The following MSH3 variants were observed in gnomAD, a reference collection of about 807,000 sequenced individuals.
MSH3 encodes mutS homolog 3, also known as DNA mismatch repair protein Msh3.
In MSH3, 106 loss-of-function variants were observed where a neutral mutation model predicts 123.3. The ratio of observed to expected loss-of-function variants is 0.86; its 90% CI spans 0.73 to 1.01. The LOEUF is 1.01. Ranked by LOEUF, MSH3 falls within the 50% of genes least tolerant of loss-of-function variation. MSH3 has a pLI of 0.00. For synonymous variants in MSH3, 515 were observed against 481.4 expected, an observed-to-expected ratio of 1.07 and a Z score of -0.91; for missense variants, 1,459 against 1,347.6, an observed-to-expected ratio of 1.08 and a Z score of -1.29.
At chr5:80,864,400 G>C (rs1051195572) in intron 21 of MSH3, among the ~76,000 whole-genome samples, 3 of 152,148 alleles carry the variant, frequency 2.0e-5, no homozygotes, top group East Asian at 3.8e-4. Context: ...AAAAAGGAAA[G>C]AGACAAAAAG....
In MSH3 at chr5:80,760,302, G is replaced by A. The variant is rs979485673; in HGVS notation, c.1764-1244G>A. 6.6e-5 allele frequency among the ~76,000 whole-genome samples: 10 copies of A among 152,170 alleles called. No homozygotes were observed. In the South Asian group the frequency reaches 8.3e-4, roughly 13 times the overall value. On this transcript the variant is annotated intron_variant, in intron 12 of 23. Coordinates refer to ENST00000265081, the MANE Select transcript of MSH3 (RefSeq NM_002439.5). ...ACTTATCTTAGTTTTTAATACTACA[G>A]ATGGTCATTATACCTAGTGTGGGCC... is the stretch of plus-strand genomic sequence containing the variant.
chr5:80,865,910 T>G (rs895351285), intron 22 of MSH3, among the ~76,000 whole-genome samples: 1 of 152,220 alleles, frequency 6.6e-6, no homozygotes, highest in African/African-American at 2.4e-5. Flanking sequence ...CATGCAATCT[T>G]GAAAAACACA....
At chr5:80,736,860 C>G (rs887230732) in intron 10 of MSH3, among the ~76,000 whole-genome samples, 2 of 152,162 alleles carry the variant, frequency 1.3e-5, no homozygotes, top group African/African-American at 2.4e-5. Flanking sequence ...GCCCGGTTCC[C>G]CCTGGACTTT....
chr5:80,746,531 G>A, intron 12 of MSH3: 1 of 461,858 alleles, frequency 2.2e-6, no homozygotes, highest in South Asian at 1.6e-5. Context: ...AGTACAAAAA[G>A]TATTCCTTGA....
intron 21 of MSH3, 137 bp from the exon 22 acceptor site, chr5:80,864,676 T>C (rs1183370909): frequency 2.8e-6 from 2 of 705,918 alleles, no homozygotes; most frequent in African/African-American, 3.6e-5. Flanking sequence ...AGGTAAACAG[T>C]ATATAATAAT....
rs868191158 is a variant in MSH3 at position 80,819,957 on chromosome 5, G to A, written c.2813+6216G>A. ...CCTGTCTTTAAGGAGCTCAAGTGCA[G>A]TAAGGGAGATGGAGAAGCAAATCTT... On this transcript the variant is annotated intron_variant, in intron 20 of 23. Transcript: ENST00000265081. 2.0e-5 allele frequency among the ~76,000 whole-genome samples: 3 copies of A among 152,342 alleles called. No individual in the cohort carries two copies. The South Asian group carries it at 6.2e-4, about 32-fold the overall frequency.
At chr5:80,874,129 C>G (rs897104993) in intron 23 of MSH3, among the ~76,000 whole-genome samples, 2 of 152,046 alleles carry the variant, frequency 1.3e-5, no homozygotes, top group Non-Finnish European at 2.9e-5. Flanking sequence ...CTGTGTTATA[C>G]TCCAATAATA....
chr5:80,841,195 G>T (rs1451485044), intron 20 of MSH3, among the ~76,000 whole-genome samples: 1 of 152,004 alleles, frequency 6.6e-6, no homozygotes, highest in African/African-American at 2.4e-5. Flanking sequence ...GAGAATGATG[G>T]TTTCCAGCTT....
In MSH3 at chr5:80,859,205, C is replaced by A. The variant is rs532289209; in HGVS notation, c.3000+4889C>A. Among the ~76,000 whole-genome samples the A allele has an allele frequency of 2.6e-5, 4 of 152,280 alleles. No homozygotes were observed. In the East Asian group the frequency reaches 7.7e-4, roughly 29 times the overall value. The stretch of plus-strand genomic sequence containing the variant: ...GTACAATCTCAGCTCACTGCAACCT[C>A]TGCCTCCCAGATTCAAGTGATTCTT... On this transcript the variant is annotated intron_variant, in intron 21 of 23. Transcript: ENST00000265081.
At chr5:80,746,860 G>C (rs1743730397) in intron 12 of MSH3, 1 of 220,946 alleles carries the variant, frequency 4.5e-6, no homozygotes, top group Non-Finnish European at 9.5e-6. Context: ...AGGCTCATGA[G>C]AGCAGGGCGA....
rs112453017 is a variant in MSH3 at position 80,791,602 on chromosome 5, T to C, written c.2544-1131T>C. On this transcript the variant is annotated intron_variant, in intron 18 of 23. Transcript: ENST00000265081. The stretch of plus-strand genomic sequence containing the variant: ...ATTCTTATTAAAATTTGTCATGAGG[T>C]TGATTTTTTTTACTATCCCCTTATT... Among the ~76,000 whole-genome samples the C allele has an allele frequency of 3.5e-3, 534 of 151,966 alleles. 2 individuals carry two copies. Among genetic ancestry groups the C allele is most frequent in the African/African-American group, 0.012 (511 of 41,264 alleles).
intron 19 of MSH3, among the ~76,000 whole-genome samples, chr5:80,805,281 G>A (rs1170564474): frequency 1.3e-5 from 2 of 152,152 alleles, no homozygotes; most frequent in Non-Finnish European, 2.9e-5. Context: ...CTGGTATGTG[G>A]GTTGGGAAAC....
intron 17 of MSH3, among the ~76,000 whole-genome samples, chr5:80,784,376 A>G (rs1297913445): frequency 6.6e-6 from 1 of 152,098 alleles, no homozygotes; most frequent in Non-Finnish European, 1.5e-5. Context: ...AACATGTGGC[A>G]TCTTCAAAAC....
chr5:80,655,617 A>C (rs993491538), intron 1 of MSH3: 3 of 182,646 alleles, frequency 1.6e-5, no homozygotes, highest in Admixed American at 6.3e-5. Context: ...ATACTGCCAC[A>C]GGAAAAGCCC....
intron 12 of MSH3, chr5:80,746,701 C>T (rs1194326098): frequency 2.8e-6 from 1 of 355,578 alleles, no homozygotes; most frequent in Non-Finnish European, 5.7e-6. Flanking sequence ...GGAGCTGGGT[C>T]GTTATCTCCA....
At chr5:80,843,116 G>T (rs1745656487) in intron 20 of MSH3, among the ~76,000 whole-genome samples, 1 of 151,932 alleles carries the variant, frequency 6.6e-6, no homozygotes, top group African/African-American at 2.4e-5. Flanking sequence ...AGCTTGAGGG[G>T]CTATTGAATT....
chr5:80,865,011 C>T, intron 22 of MSH3, 69 bp downstream of exon 22: 2 of 1,403,948 alleles, frequency 1.4e-6, no homozygotes, highest in Non-Finnish European at 2.0e-6. Context: ...TTTGTTGGAA[C>T]ATGAACTTAC....
chr5:80,680,574 T>G (rs940217763), intron 8 of MSH3, among the ~76,000 whole-genome samples: 2 of 117,760 alleles, frequency 1.7e-5, no homozygotes, highest in East Asian at 2.0e-4. Flanking sequence ...TATTCTGTGG[T>G]TTTTTTTTTT....
intron 16 of MSH3, among the ~76,000 whole-genome samples, chr5:80,778,480 A>C (rs1307128589): frequency 1.3e-5 from 2 of 152,176 alleles, no homozygotes; most frequent in African/African-American, 4.8e-5. Flanking sequence ...TAAAAGTTCT[A>C]AACTCTGACT....
Sources: allele counts gnomAD v4.1 joint callset (sites outside exome capture counted in the v4.1 genomes callset), GRCh38; gene constraint gnomAD v4.1.1; transcripts MANE v1.5; gene names NCBI Gene and HGNC (gene_info 2026-07-23, HGNC 2026-07-21).